LRRC17: variants seen among roughly 807,000 people sequenced by gnomAD.
LRRC17 encodes leucine rich repeat containing 17.
In LRRC17, 33 loss-of-function variants were observed where a neutral mutation model predicts 41.5. That is an observed-to-expected ratio of 0.80 (90% CI 0.60 to 1.06). The LOEUF (loss-of-function observed/expected upper bound fraction) is 1.06, where lower values mean the gene tolerates loss of function less well. LRRC17 is among the 50% of genes least tolerant of loss of function. LRRC17 has a pLI of 0.00. For missense variants in LRRC17, 491 were observed against 519.3 expected (o/e 0.95, Z 0.53); for synonymous variants, 192 against 197.0 (o/e 0.97, Z 0.21).
intron 1 of LRRC17, among the ~76,000 whole-genome samples, chr7:102,921,731 A>T (rs1012895740): frequency 2.0e-5 from 3 of 152,158 alleles, no homozygotes; most frequent in Non-Finnish European, 4.4e-5. Context: ...GCATCCACGG[A>T]TGATTTTTGG....
chr7:102,920,673 T>C lies in LRRC17; in HGVS notation c.-141+7528T>C, dbSNP rs894804869. On this transcript the variant is annotated intron_variant, in intron 1 of 3. Coordinates refer to ENST00000339431, the MANE Select transcript of LRRC17 (RefSeq NM_001031692.3). ...ATACACTCAATTTTGACAATAAATA[T>C]TGATCTTTTAAACTGCTCTCTTAAA... Among the ~76,000 whole-genome samples, 13 of 152,260 alleles carry C rather than the reference T, an allele frequency of 8.5e-5. No individual in the cohort carries two copies. In the East Asian group the frequency reaches 2.5e-3, roughly 29 times the overall value.
At chr7:102,918,605 C>T (rs1438984067) in intron 1 of LRRC17, among the ~76,000 whole-genome samples, 1 of 152,150 alleles carries the variant, frequency 6.6e-6, no homozygotes, top group Non-Finnish European at 1.5e-5. Context: ...TGCCTGAGGC[C>T]ATGAGTTTGA....
intron 1 of LRRC17, among the ~76,000 whole-genome samples, chr7:102,924,930 G>A (rs977300187): frequency 1.3e-5 from 2 of 152,050 alleles, no homozygotes; most frequent in Admixed American, 6.6e-5. Flanking sequence ...TGCCCGGCCT[G>A]TGTAAGCTTT....
intron 2 of LRRC17, among the ~76,000 whole-genome samples, chr7:102,938,152 A>G (rs150094268): frequency 6.2e-4 from 95 of 152,384 alleles, no homozygotes; most frequent in African/African-American, 2.2e-3. Context: ...ATATTGAGGT[A>G]AACGGATTTG....
chr7:102,943,875 T>A (rs1290783700), intron 3 of LRRC17, among the ~76,000 whole-genome samples: 1 of 152,148 alleles, frequency 6.6e-6, no homozygotes, highest in Admixed American at 6.5e-5. Context: ...AGGAGGTAGT[T>A]TTGCAACTGG....
At chr7:102,930,459 C>T (rs1311392002) in intron 1 of LRRC17, among the ~76,000 whole-genome samples, 2 of 152,204 alleles carry the variant, frequency 1.3e-5, no homozygotes, top group Non-Finnish European at 2.9e-5. Flanking sequence ...CCTAATGCCT[C>T]ACCTTCTGAC....
At chr7:102,936,533 G>A (rs1285408329) in intron 2 of LRRC17, among the ~76,000 whole-genome samples, 3 of 152,188 alleles carry the variant, frequency 2.0e-5, no homozygotes, top group Non-Finnish European at 4.4e-5. Context: ...TTGTTATGGT[G>A]AGTCCTTAGT....
chr7:102,923,560 C>T (rs1040304334), intron 1 of LRRC17, among the ~76,000 whole-genome samples: 1 of 152,156 alleles, frequency 6.6e-6, no homozygotes, highest in Non-Finnish European at 1.5e-5. Flanking sequence ...CGGTGGCTCA[C>T]GCTTGTAATC....
In LRRC17 at chr7:102,944,652, T is replaced by A. The variant is rs1379311903; in HGVS notation, c.*45T>A. 8 of 1,485,392 alleles carry A rather than the reference T, an allele frequency of 5.4e-6. No homozygotes were observed. Among genetic ancestry groups the A allele is most frequent in the Non-Finnish European group, 7.2e-6 (8 of 1,105,230 alleles). The allele number at this position is 1,485,392 out of a possible 1,614,324, so 92.0% of individuals were successfully genotyped here. On this transcript the variant is annotated 3_prime_UTR_variant, in exon 4 of 4. Coordinates refer to ENST00000339431, the MANE Select transcript of LRRC17 (RefSeq NM_001031692.3). ...GTAATTAGTTTTGTATTTTCTATACTGGTGTTAGAAAACATATGTTTACAT... is the reference window on the plus strand; with the variant it reads ...GTAATTAGTTTTGTATTTTCTATACAGGTGTTAGAAAACATATGTTTACAT...
chr7:102,917,330 T>C (rs1265273945), intron 1 of LRRC17, among the ~76,000 whole-genome samples: 1 of 152,176 alleles, frequency 6.6e-6, no homozygotes, highest in South Asian at 2.1e-4. Context: ...TAAAAAACAA[T>C]TGGATACTAC....
chr7:102,937,387 A>T (rs1820531712), intron 2 of LRRC17, among the ~76,000 whole-genome samples: 1 of 151,718 alleles, frequency 6.6e-6, no homozygotes, highest in Non-Finnish European at 1.5e-5. Flanking sequence ...GGCACCTGTA[A>T]TCCCACCTAC....
chr7:102,943,842 A>G (rs1821937428), intron 3 of LRRC17, among the ~76,000 whole-genome samples: 1 of 152,222 alleles, frequency 6.6e-6, no homozygotes, highest in African/African-American at 2.4e-5. Context: ...ATTCAGAGAA[A>G]AATAAATTTC....
intron 1 of LRRC17, among the ~76,000 whole-genome samples, chr7:102,918,382 C>T (rs1395512098): frequency 6.6e-6 from 1 of 152,142 alleles, no homozygotes; most frequent in Non-Finnish European, 1.5e-5. Context: ...GGTATAACTT[C>T]ATTTGTAAAA....
At chr7:102,925,337 G>A (rs1477370984) in intron 1 of LRRC17, among the ~76,000 whole-genome samples, 4 of 152,156 alleles carry the variant, frequency 2.6e-5, no homozygotes, top group Non-Finnish European at 5.9e-5. Context: ...TGAGGCTGCC[G>A]TAAGCCATGA....
intron 3 of LRRC17, among the ~76,000 whole-genome samples, chr7:102,940,217 GTT>G (rs200641926): frequency 1.7e-5 from 2 of 117,588 alleles, no homozygotes; most frequent in Admixed American, 8.8e-5. Flanking sequence ...TTTTTTGTTT[GTT>G]TTTTTTTTTG....
rs1822064435 is a variant in LRRC17 at position 102,944,385 on chromosome 7, C to T, written c.1104C>T (p.His368=). 11 of 1,614,014 alleles carry T rather than the reference C, an allele frequency of 6.8e-6. No individual in the cohort carries two copies. The highest frequency in any genetic ancestry group is 1.3e-5 in the African/African-American group (1 of 75,028). ...ACCTCTACTACTGGTTAAAGCACCA[C>T]TACAATGTCCATTTTAATGGCCTGG... ...IHYLYYWLKH[H]YNVHFNGLEC... The change falls in exon 4 of 4, where the codon CAC becomes CAT. Residue 368 remains histidine, a synonymous_variant. Transcript: ENST00000339431.
chr7:102,931,923 C>G (rs1249716868), intron 1 of LRRC17: 3 of 1,613,542 alleles, frequency 1.9e-6, no homozygotes, highest in Non-Finnish European at 2.5e-6. Context: ...CTTGCAAGTT[C>G]CTACAGTGGC....
chr7:102,929,626 T>A (rs1818792170), intron 1 of LRRC17, among the ~76,000 whole-genome samples: 1 of 135,920 alleles, frequency 7.4e-6, no homozygotes, highest in Admixed American at 8.5e-5. Flanking sequence ...ATGGCACCAC[T>A]GCACTCCAGC....
intron 1 of LRRC17, among the ~76,000 whole-genome samples, chr7:102,924,814 CTA>C (rs912236851): frequency 2.6e-5 from 4 of 151,662 alleles, no homozygotes; most frequent in African/African-American, 9.7e-5. Context: ...CTAATTTTTT[CTA>C]TTTTTTAGTA....
Sources: allele counts gnomAD v4.1 joint callset (sites outside exome capture counted in the v4.1 genomes callset), GRCh38; gene constraint gnomAD v4.1.1; transcripts MANE v1.5; gene names NCBI Gene and HGNC (gene_info 2026-07-23, HGNC 2026-07-21).